The following PRKD2 variants were observed in gnomAD, a reference collection of about 807,000 sequenced individuals.
The protein encoded by PRKD2 is protein kinase D2, also known as serine/threonine-protein kinase D2.
PRKD2 carries 22 observed loss-of-function variants against 86.0 expected under a neutral mutation model. The observed-to-expected ratio is 0.26, with a 90% CI of 0.18 to 0.37. PRKD2 has a LOEUF of 0.37. PRKD2 is among the 10% of genes least tolerant of loss of function. The probability of loss-of-function intolerance (pLI) is 1.00; values close to 1 mark genes in which losing one functional copy is unlikely to be tolerated. For synonymous variants in PRKD2, 509 were observed against 510.9 expected, an observed-to-expected ratio of 1.00 and a Z score of 0.05; for missense variants, 818 against 1,199.2, an observed-to-expected ratio of 0.68 and a Z score of 4.70.
chr19:46,697,811 C>G lies in PRKD2; in HGVS notation c.1161G>C (p.Ser387=), dbSNP rs753576871. ...GYIPLMRVVQ[S]VRHTTRKSST... is the part of the protein sequence containing the mutation. ...TGGATTTCCGCGTCGTGTGTCGCACCGATTGCACCACCCTCATTAGGGGGA... is the reference window on the plus strand; with the variant it reads ...TGGATTTCCGCGTCGTGTGTCGCACGGATTGCACCACCCTCATTAGGGGGA... The change falls in exon 8 of 18, where the codon TCG becomes TCC. Residue 387 remains serine, a synonymous_variant. Transcript: ENST00000291281. The G allele has an allele frequency of 6.2e-7, 1 of 1,614,048 alleles. No homozygotes were observed. The highest frequency in any genetic ancestry group is 1.7e-5 in the Admixed American group (1 of 60,014).
chr19:46,679,059 T>C (rs540145954), intron 15 of PRKD2, among the ~76,000 whole-genome samples: 2 of 152,254 alleles, frequency 1.3e-5, no homozygotes, highest in South Asian at 4.1e-4. Context: ...AAAATATACA[T>C]GATTGGGGCG....
chr19:46,678,874 C>T lies in PRKD2; in HGVS notation c.2071-211G>A, dbSNP rs1798582626. ...ATCTATAGGAAGAAGAGCAGAAGAG[C>T]ACCTATCTCAGAGGACTGCCATGAT... On this transcript the variant is annotated intron_variant, in intron 15 of 17. Transcript: ENST00000291281. This position sits in a 1 kb window ranked among gnomAD's most constrained non-coding sequence, Gnocchi z 5.7. Among the ~76,000 whole-genome samples, 1 of 152,152 alleles carries T rather than the reference C, an allele frequency of 6.6e-6. No homozygotes were observed. Among genetic ancestry groups the T allele is most frequent in the Admixed American group, 6.6e-5 (1 of 15,266 alleles).
intron 3 of PRKD2, among the ~76,000 whole-genome samples, chr19:46,708,595 G>C (rs2053752525): frequency 6.6e-6 from 1 of 151,830 alleles, no homozygotes; most frequent in Admixed American, 6.6e-5. Context: ...ATAGGCATGA[G>C]CCACCATGCC....
rs765209370 is a variant in PRKD2, at chr19:46,692,004, C to G, written c.1577-19G>C. ...GCTTGTCCTAGGGAGAGGGGAGAGACAGAGGTGAGGGGACTCCAGGCTCAG... is the reference window on the plus strand; with the variant it reads ...GCTTGTCCTAGGGAGAGGGGAGAGAGAGAGGTGAGGGGACTCCAGGCTCAG... On this transcript the variant is annotated intron_variant, in intron 10 of 17. Transcript: ENST00000291281. 7 of 1,611,908 alleles carry G rather than the reference C, an allele frequency of 4.3e-6. No individual in the cohort carries two copies. The highest frequency in any genetic ancestry group is 1.7e-5 in the Admixed American group (1 of 59,972).
At chr19:46,697,452 CG>C (rs1381452935) in intron 8 of PRKD2, 1 of 544,284 alleles carries the variant, frequency 1.8e-6, no homozygotes, top group Non-Finnish European at 3.3e-6. Context: ...ACCCCAGACT[CG>C]CCCCCACTTA....
intron 5 of PRKD2, among the ~76,000 whole-genome samples, chr19:46,701,919 CT>C (rs1274197928): frequency 6.6e-6 from 1 of 152,034 alleles, no homozygotes; most frequent in Admixed American, 6.6e-5. Context: ...AAAACGGCCC[CT>C]GGTCGAGAAC....
At position 46,678,413 on chromosome 19, in the gene PRKD2, C is replaced by T; in HGVS notation, c.2321G>A (p.Ser774Asn). 1.2e-6 allele frequency: 2 copies of T among 1,614,146 alleles called. No homozygotes were observed. The highest frequency in any genetic ancestry group is 1.7e-6 in the Non-Finnish European group (2 of 1,180,018). The change falls in exon 16 of 18, where the codon AGC (serine) becomes AAC (asparagine). Residue 774 changes from serine (S) to asparagine (N), a missense_variant. Around this residue, in one of 5 missense-constraint regions of PRKD2, gnomAD observed 132 missense variants for 146.2 expected, o/e 0.90. Coordinates refer to ENST00000291281, the MANE Select transcript of PRKD2 (RefSeq NM_016457.5). The surrounding 1 kb of genome is among the most constrained non-coding windows in gnomAD (Gnocchi z 5.7). ...CCAGGCACCTCCAGCTGAGATGTGG[C>T]TCCAGGGGCTGGCCGGGTACATGAA... The part of the protein sequence containing the change: ...AAFMYPASPW[S>N]HISAGAIDLI...
chr19:46,704,317 C>T lies in PRKD2; in HGVS notation c.741G>A (p.Thr247=), dbSNP rs375502032. ...TCTTGTCCAGCTCAATGGGGCGGCC[C>T]GTATACGATGAGGCAGAAGAGGAGG... The part of the protein sequence containing the change: ...SSSSSSASSY[T]GRPIELDKML... The change falls in exon 5 of 18, where the codon ACG becomes ACA. Residue 247 remains threonine, a synonymous_variant. Coordinates refer to ENST00000291281, the MANE Select transcript of PRKD2 (RefSeq NM_016457.5). 3.7e-6 allele frequency: 6 copies of T among 1,614,102 alleles called. No individual in the cohort carries two copies. Among genetic ancestry groups the T allele is most frequent in the East Asian group, 4.5e-5 (2 of 44,880 alleles).
In PRKD2 at chr19:46,694,141, A is replaced by G. The variant is rs1005125621; in HGVS notation, c.1318-8T>C. The G allele has an allele frequency of 6.2e-7, 1 of 1,612,796 alleles. No homozygotes were observed. The highest frequency in any genetic ancestry group is 8.5e-7 in the Non-Finnish European group (1 of 1,179,150). On this transcript the variant is annotated splice_polypyrimidine_tract_variant and splice_region_variant and intron_variant, in intron 9 of 17. Transcript: ENST00000291281. Reference sequence around the variant, plus strand: ...TTCTGACAGCGGAATTTCCTGCAGGACGTGGAACCAGCACAGGTGAGGATG... The same window carrying G: ...TTCTGACAGCGGAATTTCCTGCAGGGCGTGGAACCAGCACAGGTGAGGATG...
chr19:46,707,823 G>A (rs899908121), intron 3 of PRKD2, among the ~76,000 whole-genome samples: 3 of 152,086 alleles, frequency 2.0e-5, no homozygotes, highest in Non-Finnish European at 2.9e-5. Context: ...TTGGACAGGC[G>A]CGGTGGCTCA....
rs1237927974 is a variant in PRKD2 at position 46,693,780 on chromosome 19, A to G, written c.1576+95T>C. ...CAGAAGCTGCGTTCTCAACCCCACC[A>G]TTGCCCACTTTCCTCTTTGGCCCTT... is the stretch of plus-strand genomic sequence containing the variant. On this transcript the variant is annotated intron_variant, in intron 10 of 17. Coordinates refer to ENST00000291281, the MANE Select transcript of PRKD2 (RefSeq NM_016457.5). This position sits in a 1 kb window ranked among gnomAD's most constrained non-coding sequence, Gnocchi z 4.5. The G allele has an allele frequency of 4.7e-6, 7 of 1,485,034 alleles. No individual in the cohort carries two copies. The East Asian group carries it at 1.1e-4, about 24-fold the overall frequency. The allele number at this position is 1,485,034 out of a possible 1,614,324, so 92.0% of individuals were successfully genotyped here.
chr19:46,692,334 TTGGAGGGAAAGC>T (rs2053495139), intron 10 of PRKD2, among the ~76,000 whole-genome samples: 5 of 152,078 alleles, frequency 3.3e-5, no homozygotes. Flanking sequence ...AAACTGAGTC[TTGGAGGGAAAGC>T]CCAGACTGAC....
At chr19:46,700,680 AGGAACTG>A in intron 7 of PRKD2, 112 bp downstream of exon 7, 1 of 1,336,614 alleles carries the variant, frequency 7.5e-7, no homozygotes, top group East Asian at 2.4e-5. Flanking sequence ...GGTTTGCCTC[AGGAACTG>A]GGAAAATTTA....
intron 16 of PRKD2, among the ~76,000 whole-genome samples, chr19:46,677,768 C>T (rs868343015): frequency 6.6e-6 from 1 of 152,182 alleles, no homozygotes; most frequent in Non-Finnish European, 1.5e-5. Context: ...CCACTCCCAT[C>T]CACTCCCAGC....
At position 46,705,637 on chromosome 19, in the gene PRKD2, C is replaced by T. The variant is rs146325056; in HGVS notation, c.512-988G>A. On this transcript the variant is annotated intron_variant, in intron 3 of 17. Coordinates refer to ENST00000291281, the MANE Select transcript of PRKD2 (RefSeq NM_016457.5). Reference sequence around the variant, plus strand: ...CCCCATCTCTACTAAAAATACAAAACTTAGCCGGGTGTAGTGGCACACGCC... The same window carrying T: ...CCCCATCTCTACTAAAAATACAAAATTTAGCCGGGTGTAGTGGCACACGCC... Among the ~76,000 whole-genome samples, 511 of 152,078 alleles carry T rather than the reference C, an allele frequency of 3.4e-3. 3 individuals are homozygous for T. Among genetic ancestry groups the T allele is most frequent in the African/African-American group, 0.011 (469 of 41,510 alleles).
At chr19:46,704,424 G>A in intron 4 of PRKD2, 33 bp from the exon 5 acceptor site, 1 of 1,613,856 alleles carries the variant, frequency 6.2e-7, no homozygotes, top group Admixed American at 1.7e-5. Context: ...GGACACATCA[G>A]TGCGTTGGCC....
rs374712528 is a variant in PRKD2, at chr19:46,704,682, C to T, written c.512-33G>A. The T allele has an allele frequency of 5.7e-6, 9 of 1,565,666 alleles. No homozygotes were observed. In the African/African-American group the frequency reaches 9.5e-5, roughly 17 times the overall value. On this transcript the variant is annotated intron_variant, in intron 3 of 17. Coordinates refer to ENST00000291281, the MANE Select transcript of PRKD2 (RefSeq NM_016457.5). ...GGGCGCCAGAGAGTAAGAGACATGG[C>T]GTCTGCCCCTCCTAGGTCTCTTCTT...
chr19:46,706,445 A>G (rs1285430001), intron 3 of PRKD2, among the ~76,000 whole-genome samples: 3 of 152,186 alleles, frequency 2.0e-5, no homozygotes, highest in Non-Finnish European at 2.9e-5. Flanking sequence ...TGGCCCTGCA[A>G]GAAGAGCTTC....
intron 2 of PRKD2, among the ~76,000 whole-genome samples, chr19:46,712,725 T>C (rs1035762358): frequency 1.3e-5 from 2 of 152,178 alleles, no homozygotes; most frequent in African/African-American, 4.8e-5. Context: ...CCGGTTTCAC[T>C]GGGCACTGCA....
Sources: allele counts gnomAD v4.1 joint callset (sites outside exome capture counted in the v4.1 genomes callset), GRCh38; gene constraint gnomAD v4.1.1; regional missense constraint gnomAD v4.1.1; non-coding constraint Gnocchi (gnomAD v3.1); transcripts MANE v1.5; gene names NCBI Gene and HGNC (gene_info 2026-07-23, HGNC 2026-07-21).